RHOA: variants seen among roughly 807,000 people sequenced by gnomAD.
The protein encoded by RHOA is ras homolog family member A, also known as transforming protein RhoA.
RHOA carries 3 observed loss-of-function variants against 17.5 expected under a neutral mutation model. The ratio of observed to expected loss-of-function variants is 0.17; its 90% CI spans 0.08 to 0.44. The LOEUF is 0.44. Among genes scored for constraint, RHOA ranks in the 20% least tolerant of loss-of-function variants. RHOA has a pLI of 0.99. For synonymous variants in RHOA, 98 were observed against 88.4 expected (o/e 1.11, Z -0.61); for missense variants, 56 against 242.3 (o/e 0.23, Z 5.10).
chr3:49,404,332 C>A (rs1188045125), intron 1 of RHOA, among the ~76,000 whole-genome samples: 1 of 149,868 alleles, frequency 6.7e-6, no homozygotes, highest in African/African-American at 2.5e-5. Context: ...CAGTGGCTCA[C>A]ACCCGTAATC....
intron 1 of RHOA, among the ~76,000 whole-genome samples, chr3:49,410,640 T>C (rs1387269984): frequency 6.6e-6 from 1 of 152,222 alleles, no homozygotes; most frequent in African/African-American, 2.4e-5. Context: ...TCCGCCAATC[T>C]AGCCACATCT....
chr3:49,397,663 AAC>A (rs1331774532), intron 1 of RHOA, among the ~76,000 whole-genome samples: 2 of 152,130 alleles, frequency 1.3e-5, no homozygotes, highest in Non-Finnish European at 2.9e-5. Flanking sequence ...AGATCTGACC[AAC>A]AGACTGTATG....
In RHOA at chr3:49,385,835, A is replaced by C. The variant is rs1236285878; in HGVS notation, c.-2-10244T>G. 3.9e-5 allele frequency among the ~76,000 whole-genome samples: 6 copies of C among 152,252 alleles called. No individual in the cohort carries two copies. In the East Asian group the frequency reaches 9.7e-4, roughly 24 times the overall value. ...AGTCACCTCAGCATTATTTACTGAA[A>C]AGACTATTTTCCCCCCAACTGGATG... On this transcript the variant is annotated intron_variant, in intron 1 of 4. Coordinates refer to ENST00000418115, the MANE Select transcript of RHOA (RefSeq NM_001664.4).
At position 49,362,586 on chromosome 3, in the gene RHOA, G is replaced by A. The variant is rs771479933; in HGVS notation, c.318C>T (p.Phe106=). 1 of 1,613,548 alleles carries A rather than the reference G, an allele frequency of 6.2e-7. No homozygotes were observed. Among genetic ancestry groups the A allele is most frequent in the South Asian group, 1.1e-5 (1 of 90,922 alleles). The change falls in exon 4 of 5, where the codon TTC becomes TTT. Residue 106 remains phenylalanine, a synonymous_variant. Coordinates refer to ENST00000418115, the MANE Select transcript of RHOA (RefSeq NM_001664.4). ...CCAGGATGATGGGCACGTTGGGACA[G>A]AAATGCTTGACTTCTGGGGTCCACT... The part of the protein sequence containing the change: ...PEKWTPEVKH[F]CPNVPIILVG...
intron 1 of RHOA, among the ~76,000 whole-genome samples, chr3:49,377,720 G>A (rs2048253454): frequency 6.6e-6 from 1 of 152,074 alleles, no homozygotes; most frequent in African/African-American, 2.4e-5. Context: ...GATGTGGTGA[G>A]CTATGATTGC....
Position 49,380,924 on chromosome 3 carries a change from G to A in RHOA, c.-2-5333C>T, listed in dbSNP as rs537178021. Among the ~76,000 whole-genome samples the A allele has an allele frequency of 1.4e-3, 128 of 90,700 alleles. 2 individuals carry two copies. Among genetic ancestry groups the A allele is most frequent in the Non-Finnish European group, 2.9e-4 (13 of 44,748 alleles). The allele number at this position is 90,700 out of a possible 152,430, so 59.5% of individuals were successfully genotyped here. A position where few individuals can be genotyped will look rare whatever the true frequency, so the allele number is the denominator to read the frequency against. ...TCTCAGGACAATATTACATACAGCAGTGAATACGTGTGTGTGTATATATAT... is the reference window on the plus strand; with the variant it reads ...TCTCAGGACAATATTACATACAGCAATGAATACGTGTGTGTGTATATATAT... On this transcript the variant is annotated intron_variant, in intron 1 of 4. Coordinates refer to ENST00000418115, the MANE Select transcript of RHOA (RefSeq NM_001664.4).
chr3:49,394,017 C>G (rs553117861), intron 1 of RHOA, among the ~76,000 whole-genome samples: 12 of 151,606 alleles, frequency 7.9e-5, no homozygotes, highest in Admixed American at 7.9e-4. Context: ...ACTACAGGCA[C>G]CCGCCAACAC....
At chr3:49,388,189 T>C (rs780549332) in intron 1 of RHOA, among the ~76,000 whole-genome samples, 2 of 151,954 alleles carry the variant, frequency 1.3e-5, no homozygotes, top group Non-Finnish European at 2.9e-5. Flanking sequence ...TTTCTATTTG[T>C]GTGGGTGTGT....
At chr3:49,409,337 G>T (rs1202160341) in intron 1 of RHOA, among the ~76,000 whole-genome samples, 2 of 152,064 alleles carry the variant, frequency 1.3e-5, no homozygotes, top group Admixed American at 6.5e-5. Context: ...AGACGGTGCA[G>T]TGAGCTGAGA....
chr3:49,394,093 A>G (rs1192692775), intron 1 of RHOA, among the ~76,000 whole-genome samples: 1 of 151,590 alleles, frequency 6.6e-6, no homozygotes, highest in Admixed American at 6.6e-5. Context: ...GATGGTCTCA[A>G]TCTCCTGACC....
intron 1 of RHOA, among the ~76,000 whole-genome samples, chr3:49,386,899 C>T (rs1343816985): frequency 1.4e-5 from 2 of 145,700 alleles, no homozygotes; most frequent in Non-Finnish European, 3.0e-5. Flanking sequence ...GATCACCTGA[C>T]GTCAGGAAAT....
intron 3 of RHOA, 85 bp from the exon 4 acceptor site, chr3:49,362,711 A>G (rs1419985095): frequency 7.7e-6 from 9 of 1,161,622 alleles, no homozygotes; most frequent in African/African-American, 3.1e-5. Flanking sequence ...TTGCAGAGAC[A>G]CTTTCTTTGT....
At chr3:49,387,846 A>T (rs1329975649) in intron 1 of RHOA, among the ~76,000 whole-genome samples, 5 of 151,984 alleles carry the variant, frequency 3.3e-5, no homozygotes, top group Non-Finnish European at 7.4e-5. Context: ...TTCTGTACAC[A>T]CCAGAGGAAG....
At chr3:49,370,070 C>T (rs143581753) in intron 2 of RHOA, among the ~76,000 whole-genome samples, 1,733 of 149,484 alleles carry the variant, frequency 0.012, 32 homozygotes, top group African/African-American at 0.041. Context: ...CCAACAAGAG[C>T]GAAACTCCAT....
intron 1 of RHOA, among the ~76,000 whole-genome samples, chr3:49,400,225 A>C (rs967636495): frequency 2.9e-4 from 3 of 10,462 alleles, no homozygotes; most frequent in East Asian, 0.015. Context: ...AAAAAAAAAA[A>C]ACAAAAAAAA....
At chr3:49,391,670 C>T (rs1035670311) in intron 1 of RHOA, among the ~76,000 whole-genome samples, 41 of 151,880 alleles carry the variant, frequency 2.7e-4, no homozygotes, top group Admixed American at 2.6e-3. Flanking sequence ...CACCACCATG[C>T]CCGGGTAATT....
In RHOA at chr3:49,360,007, T is replaced by C. The variant is rs531790638; in HGVS notation, c.*202A>G. ...GTGCAGAGGAGGGCTGTTAGAGCAG[T>C]GTCAAAAGGACCCTGGTGGGCCAGA... is the stretch of plus-strand genomic sequence containing the variant. On this transcript the variant is annotated 3_prime_UTR_variant, in exon 5 of 5. Transcript: ENST00000418115. 3.1e-5 allele frequency: 17 copies of C among 544,348 alleles called. No individual in the cohort carries two copies. The highest frequency in any genetic ancestry group is 5.1e-5 in the Non-Finnish European group (16 of 315,806). 33.7% of individuals were successfully genotyped at this position (544,348 alleles called of 1,614,324 possible). A position where few individuals can be genotyped will look rare whatever the true frequency, so the allele number is the denominator to read the frequency against.
intron 1 of RHOA, among the ~76,000 whole-genome samples, chr3:49,411,281 C>G (rs2048930455): frequency 6.6e-6 from 1 of 152,210 alleles, no homozygotes; most frequent in Non-Finnish European, 1.5e-5. Flanking sequence ...CTTTTACTTA[C>G]TTACACAGTC....
chr3:49,405,199 A>G (rs1047738752), intron 1 of RHOA, among the ~76,000 whole-genome samples: 11 of 145,054 alleles, frequency 7.6e-5, no homozygotes, highest in Non-Finnish European at 1.6e-4. Context: ...CGGAGGTTGC[A>G]GTGAGCCGAG....
Sources: gnomAD v4.1 joint callset for allele counts (sites outside exome capture counted in the v4.1 genomes callset) on GRCh38, gnomAD v4.1.1 for gene constraint, MANE v1.5 for transcripts, NCBI Gene and HGNC (gene_info 2026-07-23, HGNC 2026-07-21) for gene names.